CTIF: variants seen among roughly 807,000 people sequenced by gnomAD.
CTIF encodes CBP80/20-dependent translation initiation factor.
Under a neutral mutation model 66.0 loss-of-function variants are expected in CTIF, and 21 were observed. The ratio of observed to expected loss-of-function variants is 0.32; its 90% CI spans 0.23 to 0.46. CTIF has a LOEUF of 0.46. Among genes scored for constraint, CTIF ranks in the 20% least tolerant of loss-of-function variants. The probability of loss-of-function intolerance (pLI) is 1.00; values close to 1 mark genes in which losing one functional copy is unlikely to be tolerated. For missense variants in CTIF, 739 were observed against 812.7 expected, an observed-to-expected ratio of 0.91 and a Z score of 1.10; for synonymous variants, 345 against 326.4, an observed-to-expected ratio of 1.06 and a Z score of -0.62.
chr18:48,741,289 C>A (rs938170012), intron 7 of CTIF, among the ~76,000 whole-genome samples: 4 of 141,166 alleles, frequency 2.8e-5, no homozygotes, highest in Admixed American at 7.3e-5. Flanking sequence ...CGCCCCCCCT[C>A]CTTGGTACAT....
chr18:48,738,946 C>T (rs1347682665), intron 7 of CTIF, among the ~76,000 whole-genome samples: 2 of 152,220 alleles, frequency 1.3e-5, no homozygotes, highest in Admixed American at 1.3e-4. Context: ...TGCCCAGCTC[C>T]TTGGGCTACC....
intron 10 of CTIF, among the ~76,000 whole-genome samples, chr18:48,843,415 C>T (rs2068994351): frequency 6.6e-6 from 1 of 152,100 alleles, no homozygotes; most frequent in African/African-American, 2.4e-5. Flanking sequence ...GGCTCAGGTG[C>T]CGCCTGCGAG....
intron 1 of CTIF, among the ~76,000 whole-genome samples, chr18:48,604,714 A>G (rs1201853109): frequency 1.3e-5 from 2 of 152,202 alleles, no homozygotes; most frequent in Non-Finnish European, 2.9e-5. Context: ...CTAATTATAG[A>G]TATGTGTGAC....
intron 9 of CTIF, among the ~76,000 whole-genome samples, chr18:48,783,113 G>T (rs1911392946): frequency 6.6e-6 from 1 of 152,120 alleles, no homozygotes; most frequent in Non-Finnish European, 1.5e-5. Flanking sequence ...TCTGGGAAAG[G>T]CTGATGTCTT....
intron 5 of CTIF, among the ~76,000 whole-genome samples, chr18:48,665,360 TC>T (rs994144869): frequency 6.6e-6 from 1 of 152,162 alleles, no homozygotes; most frequent in Non-Finnish European, 1.5e-5. Context: ...CCTTCCCTTT[TC>T]AAAAGTGGTG....
chr18:48,734,363 C>G (rs1397423415), intron 7 of CTIF, among the ~76,000 whole-genome samples: 3 of 152,192 alleles, frequency 2.0e-5, no homozygotes, highest in Non-Finnish European at 4.4e-5. Context: ...GCCAGGAGTT[C>G]AAGACAGGCT....
chr18:48,857,874 C>CCTAGACCGAG (rs5824769), intron 11 of CTIF, among the ~76,000 whole-genome samples: 1 of 151,744 alleles, frequency 6.6e-6, no homozygotes, highest in Admixed American at 6.6e-5. Context: ...GAAGTGATTC[C>CCTAGACCGAG]CAGTGGCATT....
chr18:48,825,153 G>A lies in CTIF; in HGVS notation c.1527+7777G>A, dbSNP rs183200900. Among the ~76,000 whole-genome samples the A allele has an allele frequency of 2.0e-5, 3 of 152,210 alleles. No individual in the cohort carries two copies. In the East Asian group the frequency reaches 5.8e-4, roughly 29 times the overall value. The stretch of plus-strand genomic sequence containing the variant: ...AAAGGAGGAAGGCAGGGCGCTTTCT[G>A]CCAGGAATCTCCCATCTCTCTGTAC... On this transcript the variant is annotated intron_variant, in intron 10 of 11. Transcript: ENST00000256413.
At chr18:48,768,052 C>T (rs1359168843) in intron 9 of CTIF, among the ~76,000 whole-genome samples, 2 of 152,118 alleles carry the variant, frequency 1.3e-5, no homozygotes, top group Non-Finnish European at 2.9e-5. Flanking sequence ...TCCTGCCCTT[C>T]TCCTTGTCCC....
chr18:48,808,677 G>A lies in CTIF; in HGVS notation c.1372-8544G>A, dbSNP rs556975579. ...AATGCTTCCTTTGCCACTGATTTGT[G>A]GTCCTCAAGGGATCATGTGATAAAC... On this transcript the variant is annotated intron_variant, in intron 9 of 11. Coordinates refer to ENST00000256413, the MANE Select transcript of CTIF (RefSeq NM_014772.3). Among the ~76,000 whole-genome samples, 18 of 152,164 alleles carry A rather than the reference G, an allele frequency of 1.2e-4. No individual in the cohort carries two copies. In the East Asian group the frequency reaches 3.5e-3, roughly 29 times the overall value.
intron 10 of CTIF, among the ~76,000 whole-genome samples, chr18:48,851,518 G>A (rs2069199964): frequency 1.3e-5 from 2 of 152,140 alleles, no homozygotes; most frequent in Admixed American, 6.5e-5. Flanking sequence ...TCTAGTGCCT[G>A]GCAGGCCCTG....
chr18:48,574,623 T>G (rs1050788336), intron 1 of CTIF, among the ~76,000 whole-genome samples: 1 of 152,082 alleles, frequency 6.6e-6, no homozygotes, highest in Non-Finnish European at 1.5e-5. Flanking sequence ...CAGCATGGTG[T>G]TGTTGGCTTT....
At chr18:48,756,818 T>C (rs1908411229) in intron 7 of CTIF, among the ~76,000 whole-genome samples, 1 of 152,252 alleles carries the variant, frequency 6.6e-6, no homozygotes, top group Non-Finnish European at 1.5e-5. Flanking sequence ...GGTTTGTTCC[T>C]GCTGCACAAC....
intron 1 of CTIF, among the ~76,000 whole-genome samples, chr18:48,553,456 G>T (rs926451416): frequency 6.6e-6 from 1 of 152,178 alleles, no homozygotes; most frequent in Admixed American, 6.5e-5. Flanking sequence ...TGAGGAGCGG[G>T]TGATGGGGTA....
intron 3 of CTIF, among the ~76,000 whole-genome samples, chr18:48,659,152 CA>C (rs2091297199): frequency 6.6e-6 from 1 of 152,190 alleles, no homozygotes; most frequent in African/African-American, 2.4e-5. Flanking sequence ...GCCATTGAAA[CA>C]AACCCCAAGG....
chr18:48,788,296 C>T (rs1410268615), intron 9 of CTIF, among the ~76,000 whole-genome samples: 1 of 152,192 alleles, frequency 6.6e-6, no homozygotes, highest in Admixed American at 6.5e-5. Context: ...TCATTCTGAG[C>T]ACTTCCCACA....
At chr18:48,805,490 C>T (rs1171038159) in intron 9 of CTIF, among the ~76,000 whole-genome samples, 2 of 151,946 alleles carry the variant, frequency 1.3e-5, no homozygotes, top group East Asian at 1.9e-4. Flanking sequence ...AGGGGAGACT[C>T]GGGGTTGGGG....
At chr18:48,818,261 T>G (rs886309277) in intron 10 of CTIF, among the ~76,000 whole-genome samples, 2 of 152,148 alleles carry the variant, frequency 1.3e-5, no homozygotes, top group African/African-American at 4.8e-5. Flanking sequence ...GGTTGGTGGC[T>G]TGGAAGACAG....
intron 1 of CTIF, among the ~76,000 whole-genome samples, chr18:48,599,434 T>C (rs2090050419): frequency 6.6e-6 from 1 of 152,188 alleles, no homozygotes; most frequent in African/African-American, 2.4e-5. Flanking sequence ...ATACCACCTC[T>C]GAAAGATGTC....
Sources: gnomAD v4.1 joint callset for allele counts (sites outside exome capture counted in the v4.1 genomes callset) on GRCh38, gnomAD v4.1.1 for gene constraint, MANE v1.5 for transcripts, NCBI Gene and HGNC (gene_info 2026-07-23, HGNC 2026-07-21) for gene names.